CTNNA1: variants seen among roughly 807,000 people sequenced by gnomAD.
CTNNA1 encodes catenin alpha-1.
In CTNNA1, 37 loss-of-function variants were observed where a neutral mutation model predicts 98.4. The ratio of observed to expected loss-of-function variants is 0.38; its 90% CI spans 0.29 to 0.49. CTNNA1 has a LOEUF of 0.49. Among genes scored for constraint, CTNNA1 ranks in the 20% least tolerant of loss-of-function variants. CTNNA1 has a pLI of 0.95. For missense variants in CTNNA1, 761 were observed against 1,147.2 expected (o/e 0.66, Z 4.86); for synonymous variants, 404 against 413.2 (o/e 0.98, Z 0.27).
intron 10 of CTNNA1, among the ~76,000 whole-genome samples, chr5:138,909,583 C>T (rs1405877829): frequency 6.6e-6 from 1 of 152,134 alleles, no homozygotes; most frequent in East Asian, 1.9e-4. Flanking sequence ...AGGTGATCCT[C>T]CCACCTGAGC....
At chr5:138,814,064 C>G (rs1759146739) in intron 5 of CTNNA1, among the ~76,000 whole-genome samples, 1 of 152,148 alleles carries the variant, frequency 6.6e-6, no homozygotes, top group Non-Finnish European at 1.5e-5. Context: ...AATATAGTGC[C>G]AGGCACTAAG....
At chr5:138,791,217 A>T (rs1344074406) in intron 3 of CTNNA1, among the ~76,000 whole-genome samples, 1 of 152,110 alleles carries the variant, frequency 6.6e-6, no homozygotes, top group Non-Finnish European at 1.5e-5. Context: ...TTTCAGGCAA[A>T]CTTTGATACT....
Position 138,901,468 on chromosome 5 carries a change from T to C in CTNNA1, c.1297-2881T>C, listed in dbSNP as rs944916171. Among the ~76,000 whole-genome samples the C allele has an allele frequency of 1.1e-4, 16 of 152,128 alleles. 1 individual carries two copies. Among genetic ancestry groups the C allele is most frequent in the Admixed American group, 3.3e-4 (5 of 15,280 alleles). ...AGCCACCACACCCAGCCTCTTTCTTTTTTTGGGACATGGTCTTGCAGTCAT... is the reference window on the plus strand; with the variant it reads ...AGCCACCACACCCAGCCTCTTTCTTCTTTTGGGACATGGTCTTGCAGTCAT... On this transcript the variant is annotated intron_variant, in intron 9 of 17. Transcript: ENST00000302763.
At chr5:138,907,524 G>C (rs1401689466) in intron 10 of CTNNA1, among the ~76,000 whole-genome samples, 1 of 152,118 alleles carries the variant, frequency 6.6e-6, no homozygotes, top group African/African-American at 2.4e-5. Flanking sequence ...GCTGTCCCTC[G>C]GAGGAAGAGG....
Position 138,805,544 on chromosome 5 carries a change from T to C in CTNNA1, c.302-4494T>C, listed in dbSNP as rs1271426808. On this transcript the variant is annotated intron_variant, in intron 3 of 17. Transcript: ENST00000302763. ...ATCTTTTCATGTGCTTGTTGGCCAT[T>C]TCTAAATCTTCAGACAGGCACCTGT... is the stretch of plus-strand genomic sequence containing the variant. 2.0e-5 allele frequency among the ~76,000 whole-genome samples: 3 copies of C among 152,114 alleles called. No homozygotes were observed. In the East Asian group the frequency reaches 5.8e-4, roughly 29 times the overall value.
At chr5:138,875,277 C>A in intron 7 of CTNNA1, 2 of 480,872 alleles carry the variant, frequency 4.2e-6, no homozygotes, top group Non-Finnish European at 5.7e-6. Context: ...CAGAGAAGAG[C>A]TCCTGGAGCA....
intron 3 of CTNNA1, among the ~76,000 whole-genome samples, chr5:138,803,893 C>T (rs1015331739): frequency 2.0e-5 from 3 of 152,140 alleles, no homozygotes; most frequent in Admixed American, 2.0e-4. Flanking sequence ...TGGTTAATTT[C>T]CTGGAGCATT....
At chr5:138,877,235 T>A (rs1751793711) in intron 7 of CTNNA1, among the ~76,000 whole-genome samples, 1 of 152,222 alleles carries the variant, frequency 6.6e-6, no homozygotes, top group African/African-American at 2.4e-5. Flanking sequence ...ATCCTTCCTA[T>A]AGTCTCTCTC....
At chr5:138,883,242 A>G (rs1380684127) in intron 7 of CTNNA1, among the ~76,000 whole-genome samples, 1 of 152,044 alleles carries the variant, frequency 6.6e-6, no homozygotes. Context: ...GTCTATGTGT[A>G]CTCATCTCTA....
rs540792946 is a variant in CTNNA1 at position 138,861,245 on chromosome 5, T to A, written c.1063-24967T>A. ...CATGTGGGCCAGGCTGGTCTCGAAC[T>A]CCTGACCTCAGGTGATTTGCCCACT... On this transcript the variant is annotated intron_variant, in intron 7 of 17. Transcript: ENST00000302763. 9.2e-5 allele frequency among the ~76,000 whole-genome samples: 14 copies of A among 152,198 alleles called. No individual in the cohort carries two copies. In the East Asian group the frequency reaches 2.5e-3, roughly 27 times the overall value.
At chr5:138,871,353 A>G (rs1750586748) in intron 7 of CTNNA1, 1 of 152,222 alleles carries the variant, frequency 6.6e-6, no homozygotes, top group Non-Finnish European at 1.5e-5. Flanking sequence ...TTTTTTCAAT[A>G]TGTGGAACAA....
chr5:138,932,825 G>C, intron 17 of CTNNA1, 113 bp downstream of exon 17: 1 of 1,328,010 alleles, frequency 7.5e-7, no homozygotes, highest in Non-Finnish European at 1.1e-6. Flanking sequence ...GTGCTGTGCA[G>C]AAACTCCAAG....
intron 7 of CTNNA1, among the ~76,000 whole-genome samples, chr5:138,846,715 A>G (rs1258173405): frequency 6.6e-6 from 1 of 152,176 alleles, no homozygotes; most frequent in Non-Finnish European, 1.5e-5. Context: ...ATTTCATTTA[A>G]ATTATACAAA....
At chr5:138,916,781 T>A (rs985293280) in intron 10 of CTNNA1, among the ~76,000 whole-genome samples, 4 of 150,224 alleles carry the variant, frequency 2.7e-5, no homozygotes, top group Admixed American at 6.6e-5. Flanking sequence ...TTTTATTTAT[T>A]TTTTTTTTGA....
intron 3 of CTNNA1, among the ~76,000 whole-genome samples, chr5:138,794,519 T>G (rs1162730255): frequency 1.3e-5 from 2 of 152,214 alleles, no homozygotes. Context: ...TTGAGAAGAT[T>G]AAAGTGTGTT....
At chr5:138,765,947 CAAAAA>C (rs1026779147) in intron 1 of CTNNA1, among the ~76,000 whole-genome samples, 4 of 48,486 alleles carry the variant, frequency 8.2e-5, no homozygotes, top group African/African-American at 1.3e-4. Context: ...GACTCTGTCT[CAAAAA>C]AAAAAAAAAA....
At position 138,917,913 on chromosome 5, in the gene CTNNA1, C is replaced by A. The variant is rs370842419; in HGVS notation, c.1546+15C>A. On this transcript the variant is annotated intron_variant, in intron 11 of 17. Coordinates refer to ENST00000302763, the MANE Select transcript of CTNNA1 (RefSeq NM_001903.5). Reference sequence around the variant, plus strand: ...GGCTGTCTCAGGTAATGAGCTGGTTCCCCAGAGAAGTATGTGAAGATGTTC... The same window carrying A: ...GGCTGTCTCAGGTAATGAGCTGGTTACCCAGAGAAGTATGTGAAGATGTTC... 1.2e-6 allele frequency: 2 copies of A among 1,612,104 alleles called. No homozygotes were observed. The highest frequency in any genetic ancestry group is 2.7e-5 in the African/African-American group (2 of 74,844).
At chr5:138,865,255 G>A (rs1764651371) in intron 7 of CTNNA1, among the ~76,000 whole-genome samples, 1 of 152,204 alleles carries the variant, frequency 6.6e-6, no homozygotes, top group Non-Finnish European at 1.5e-5. Context: ...ACCAGCTGCT[G>A]AAAGTGCTTG....
intron 3 of CTNNA1, among the ~76,000 whole-genome samples, chr5:138,784,650 A>C (rs1413011974): frequency 6.6e-6 from 1 of 152,228 alleles, no homozygotes; most frequent in Non-Finnish European, 1.5e-5. Flanking sequence ...GCTTAGAATA[A>C]TAGAAATTTA....
Sources: allele counts gnomAD v4.1 joint callset (sites outside exome capture counted in the v4.1 genomes callset), GRCh38; gene constraint gnomAD v4.1.1; transcripts MANE v1.5; gene names NCBI Gene and HGNC (gene_info 2026-07-23, HGNC 2026-07-21).